KAZN: variants seen among roughly 807,000 people sequenced by gnomAD.
The protein encoded by KAZN is kazrin.
Under a neutral mutation model 87.4 loss-of-function variants are expected in KAZN, and 40 were observed. The ratio of observed to expected loss-of-function variants is 0.46; its 90% CI spans 0.36 to 0.60. The LOEUF (loss-of-function observed/expected upper bound fraction) is 0.60, where lower values mean the gene tolerates loss of function less well. KAZN is among the 20% of genes least tolerant of loss of function. KAZN has a pLI of 0.00. For missense variants in KAZN, 898 were observed against 1,073.9 expected (o/e 0.84, Z 2.29); for synonymous variants, 466 against 458.3 (o/e 1.02, Z -0.22).
At chr1:14,784,773 C>G (rs1273196254) in intron 1 of KAZN, among the ~76,000 whole-genome samples, 1 of 152,050 alleles carries the variant, frequency 6.6e-6, no homozygotes, top group African/African-American at 2.4e-5. Flanking sequence ...AAAAGTCATT[C>G]AAGTGACTAC....
intron 1 of KAZN, among the ~76,000 whole-genome samples, chr1:13,979,435 C>T (rs1039001548): frequency 1.3e-5 from 2 of 151,970 alleles, no homozygotes; most frequent in African/African-American, 4.8e-5. Flanking sequence ...CTTCATCCTG[C>T]AAAAAATACT....
Position 14,414,220 on chromosome 1 carries a change from T to C in KAZN, c.250-184763T>C, listed in dbSNP as rs528389547. Among the ~76,000 whole-genome samples, 205 of 151,998 alleles carry C rather than the reference T, an allele frequency of 1.3e-3. 3 individuals are homozygous for C. Among genetic ancestry groups the C allele is most frequent in the African/African-American group, 4.9e-3 (205 of 41,448 alleles). On this transcript the variant is annotated intron_variant, in intron 2 of 16. Transcript: ENST00000636203. ...GGAATTTGGCAATATTTAGTAACAC[T>C]AGAGATGTTCATGTTCTAGTTTTCA...
At chr1:14,682,220 A>C (rs1640708902) in intron 1 of KAZN, among the ~76,000 whole-genome samples, 1 of 151,612 alleles carries the variant, frequency 6.6e-6, no homozygotes, top group South Asian at 2.1e-4. Context: ...TGAATCATAC[A>C]GTATTGTTCT....
At chr1:15,042,590 GTAT>G (rs1673032477) in intron 3 of KAZN, among the ~76,000 whole-genome samples, 1 of 152,150 alleles carries the variant, frequency 6.6e-6, no homozygotes, top group African/African-American at 2.4e-5. Context: ...AGTATATGTG[GTAT>G]TATCCCCTGG....
intron 1 of KAZN, chr1:14,924,377 G>A (rs1658906609): frequency 5.1e-6 from 5 of 989,328 alleles, no homozygotes; most frequent in Non-Finnish European, 6.0e-6. Context: ...GCGGGCGGCC[G>A]ACTCGGGCTC....
intron 2 of KAZN, among the ~76,000 whole-genome samples, chr1:14,538,379 TAAC>T (rs1181539270): frequency 6.6e-6 from 1 of 152,218 alleles, no homozygotes; most frequent in African/African-American, 2.4e-5. Flanking sequence ...TTTTGTGCTA[TAAC>T]AACATACCCA....
rs200699787 is a variant in KAZN, at chr1:13,918,742, T to C, written c.91+24986T>C. Among the ~76,000 whole-genome samples the C allele has an allele frequency of 2.6e-5, 4 of 152,342 alleles. No homozygotes were observed. In the East Asian group the frequency reaches 7.7e-4, roughly 29 times the overall value. The stretch of plus-strand genomic sequence containing the variant: ...CAACCTTCAGCAACCACCACCCTGA[T>C]CAGTCAGCAGCCATCAACATCAAAG... On this transcript the variant is annotated intron_variant, in intron 1 of 16. Coordinates refer to the KAZN transcript ENST00000636203.
Position 15,096,301 on chromosome 1 carries a change from G to A in KAZN, c.1547+1368G>A, listed in dbSNP as rs1640802603. ...TACTGCCTGGGTTCCCCCTAAATGGGGATAAGCTTTTCTTCTTTTCTTTTC... is the reference window on the plus strand; with the variant it reads ...TACTGCCTGGGTTCCCCCTAAATGGAGATAAGCTTTTCTTCTTTTCTTTTC... On this transcript the variant is annotated intron_variant, in intron 10 of 14. Coordinates refer to ENST00000376030, the MANE Select transcript of KAZN (RefSeq NM_201628.3). The surrounding 1 kb of genome is among the most constrained non-coding windows in gnomAD (Gnocchi z 4.5). Among the ~76,000 whole-genome samples the A allele has an allele frequency of 6.6e-6, 1 of 152,340 alleles. No individual in the cohort carries two copies. The highest frequency in any genetic ancestry group is 2.4e-5 in the African/African-American group (1 of 41,578).
chr1:15,000,704 C>G (rs1305416799), intron 2 of KAZN, among the ~76,000 whole-genome samples: 1 of 151,958 alleles, frequency 6.6e-6, no homozygotes, highest in African/African-American at 2.4e-5. Flanking sequence ...CAAAATTACT[C>G]AGCCGTGTAT....
chr1:14,449,496 C>A (rs988095943), intron 2 of KAZN, among the ~76,000 whole-genome samples: 1 of 152,182 alleles, frequency 6.6e-6, no homozygotes, highest in Admixed American at 6.5e-5. Flanking sequence ...GGGGTCCATG[C>A]CTCCCTGGGC....
intron 1 of KAZN, among the ~76,000 whole-genome samples, chr1:13,968,985 G>A (rs970048050): frequency 6.6e-6 from 1 of 152,140 alleles, no homozygotes; most frequent in Non-Finnish European, 1.5e-5. Context: ...AACTTATCAA[G>A]TCTAAAATGA....
chr1:14,336,033 G>A (rs913744263), intron 2 of KAZN, among the ~76,000 whole-genome samples: 6 of 152,214 alleles, frequency 3.9e-5, no homozygotes, highest in Non-Finnish European at 8.8e-5. Flanking sequence ...AGAGGGAAGT[G>A]CTGGGTATAT....
Position 15,021,750 on chromosome 1 carries a change from C to T in KAZN, c.419-12999C>T, listed in dbSNP as rs1005925454. On this transcript the variant is annotated intron_variant, in intron 2 of 14. Coordinates refer to ENST00000376030, the MANE Select transcript of KAZN (RefSeq NM_201628.3). This position sits in a 1 kb window ranked among gnomAD's most constrained non-coding sequence, Gnocchi z 4.2. ...TGACGGACACTCTGTCTGCAGGTTT[C>T]GGTCCCCTCCCTGGGACCGGCCTAG... 5.3e-5 allele frequency among the ~76,000 whole-genome samples: 8 copies of T among 152,176 alleles called. No individual in the cohort carries two copies. The highest frequency in any genetic ancestry group is 1.7e-4 in the African/African-American group (7 of 41,442).
In KAZN at chr1:14,838,957, C is replaced by T. The variant is rs116448462; in HGVS notation, c.227-121727C>T. Among the ~76,000 whole-genome samples the T allele has an allele frequency of 6.2e-3, 945 of 152,244 alleles. 10 individuals are homozygous for T. Among genetic ancestry groups the T allele is most frequent in the African/African-American group, 0.022 (918 of 41,550 alleles). On this transcript the variant is annotated intron_variant, in intron 1 of 14. Transcript: ENST00000376030. ...AACCTACTCCAGGTTTGCACTTTAT[C>T]CACCTGGCTTTGAAGAAAAGAGAGA...
At chr1:14,514,117 G>C (rs1160970018) in intron 2 of KAZN, among the ~76,000 whole-genome samples, 2 of 148,488 alleles carry the variant, frequency 1.3e-5, no homozygotes, top group African/African-American at 2.5e-5. Context: ...TCAGGAGATC[G>C]AGACCACCCT....
intron 2 of KAZN, among the ~76,000 whole-genome samples, chr1:15,024,391 C>T (rs1053919348): frequency 1.2e-4 from 19 of 152,144 alleles, no homozygotes; most frequent in Admixed American, 8.5e-4. Context: ...GACGGTGATA[C>T]GGTCAACCCT....
chr1:14,298,323 C>T (rs1361993429), intron 2 of KAZN, among the ~76,000 whole-genome samples: 2 of 152,168 alleles, frequency 1.3e-5, no homozygotes, highest in Admixed American at 6.5e-5. Flanking sequence ...AATATTACAG[C>T]CCTTGTCATT....
At chr1:14,255,754 T>G (rs1483495127) in intron 2 of KAZN, among the ~76,000 whole-genome samples, 19 of 152,228 alleles carry the variant, frequency 1.2e-4, no homozygotes, top group Admixed American at 1.2e-3. Context: ...AAGAACCCAG[T>G]GACTGAGGTA....
chr1:14,545,075 A>G (rs1673057716), intron 2 of KAZN, among the ~76,000 whole-genome samples: 1 of 152,180 alleles, frequency 6.6e-6, no homozygotes, highest in South Asian at 2.1e-4. Flanking sequence ...CTAAACATTG[A>G]TATCAGACAT....
Sources: allele counts gnomAD v4.1 joint callset (sites outside exome capture counted in the v4.1 genomes callset), GRCh38; gene constraint gnomAD v4.1.1; non-coding constraint Gnocchi (gnomAD v3.1); transcripts MANE v1.5; gene names NCBI Gene and HGNC (gene_info 2026-07-23, HGNC 2026-07-21).